LRRC7: variants seen among roughly 807,000 people sequenced by gnomAD.
LRRC7 encodes the protein leucine rich repeat containing 7, also known as leucine-rich repeat-containing protein 7.
In LRRC7, 23 loss-of-function variants were observed where a neutral mutation model predicts 175.7. That is an observed-to-expected ratio of 0.13 (90% confidence interval 0.09 to 0.19). The LOEUF is 0.19. LRRC7 is among the 10% of genes least tolerant of loss of function. The probability of loss-of-function intolerance (pLI) is 1.00; values close to 1 mark genes in which losing one functional copy is unlikely to be tolerated. For missense variants in LRRC7, 1,354 were observed against 1,904.7 expected (o/e 0.71, Z 5.38); for synonymous variants, 685 against 680.9 (o/e 1.01, Z -0.09).
At chr1:69,867,302 T>C (rs1051931136) in intron 7 of LRRC7, among the ~76,000 whole-genome samples, 2 of 152,208 alleles carry the variant, frequency 1.3e-5, no homozygotes, top group African/African-American at 4.8e-5. Flanking sequence ...TCACAACTAA[T>C]AATCACAATA....
At chr1:69,875,644 C>T (rs1436195092) in intron 7 of LRRC7, among the ~76,000 whole-genome samples, 1 of 151,714 alleles carries the variant, frequency 6.6e-6, no homozygotes, top group Admixed American at 6.6e-5. Flanking sequence ...ATTATGCATA[C>T]CAGTTTAACA....
rs752776916 is a variant in LRRC7 at position 69,931,561 on chromosome 1, C to T, written c.702C>T (p.Phe234=). Residue 234 remains phenylalanine, a synonymous_variant, in exon 8 of 27, where the codon TTC becomes TTT. Coordinates refer to ENST00000651989, the MANE Select transcript of LRRC7 (RefSeq NM_001370785.2). ...GACTTGACCTAGGCAATAATGAATT[C>T]GGTGAGCTGGTAAGCAAATGCATTT... The part of the protein sequence containing the change: ...LERLDLGNNE[F]GELPEVLDQI... 57 of 1,613,090 alleles carry T rather than the reference C, an allele frequency of 3.5e-5. No individual in the cohort carries two copies. The highest frequency in any genetic ancestry group is 1.6e-4 in the Middle Eastern group (1 of 6,082).
In LRRC7 at chr1:69,730,701, G is replaced by C. The variant is rs189301118; in HGVS notation, c.101-29490G>C. ...CACATTTTCCTATCTTCTTCTGAAC[G>C]CTTCCAACTGTCCCAACCTCTGCCT... On this transcript the variant is annotated intron_variant, in intron 2 of 26. Coordinates refer to ENST00000651989, the MANE Select transcript of LRRC7 (RefSeq NM_001370785.2). Among the ~76,000 whole-genome samples the C allele has an allele frequency of 5.3e-5, 8 of 152,144 alleles. No individual in the cohort carries two copies. In the South Asian group the frequency reaches 1.7e-3, roughly 32 times the overall value.
intron 2 of LRRC7, among the ~76,000 whole-genome samples, chr1:69,682,748 A>T (rs1479862255): frequency 9.2e-6 from 1 of 108,574 alleles, no homozygotes; most frequent in East Asian, 2.9e-4. Context: ...TAAGCTACCT[A>T]GTTCATGGAT....
At chr1:69,651,425 T>TA (rs1372401489) in intron 1 of LRRC7, among the ~76,000 whole-genome samples, 4 of 152,216 alleles carry the variant, frequency 2.6e-5, no homozygotes, top group Non-Finnish European at 4.4e-5. Flanking sequence ...CAAAGAGTTT[T>TA]CATTTTGTCT....
intron 4 of LRRC7, among the ~76,000 whole-genome samples, chr1:69,792,716 C>T (rs1675266704): frequency 1.3e-5 from 2 of 152,096 alleles, no homozygotes; most frequent in South Asian, 4.1e-4. Flanking sequence ...TCCCAAACAT[C>T]TAGAGCAATG....
At chr1:69,887,593 C>T (rs1037727486) in intron 7 of LRRC7, among the ~76,000 whole-genome samples, 10 of 152,108 alleles carry the variant, frequency 6.6e-5, no homozygotes, top group African/African-American at 1.4e-4. Flanking sequence ...GTAATTTGAT[C>T]GTCTGAAGCC....
intron 5 of LRRC7, among the ~76,000 whole-genome samples, chr1:69,830,759 A>G (rs1160237447): frequency 1.3e-5 from 2 of 151,982 alleles, no homozygotes; most frequent in Non-Finnish European, 2.9e-5. Context: ...AATAAGACAT[A>G]CTATGTAATC....
intron 25 of LRRC7, among the ~76,000 whole-genome samples, chr1:70,098,784 C>A (rs2102191488): frequency 6.6e-6 from 1 of 151,186 alleles, no homozygotes; most frequent in East Asian, 2.0e-4. Context: ...GAAGTTGAAT[C>A]TCTGAATAGA....
chr1:69,931,582 C>A lies in LRRC7; in HGVS notation c.711+12C>A, dbSNP rs1267989811. ...AATTCGGTGAGCTGGTAAGCAAATG[C>A]ATTTTCTAAACCTGATAAATACCCT... On this transcript the variant is annotated intron_variant, in intron 8 of 26. Coordinates refer to ENST00000651989, the MANE Select transcript of LRRC7 (RefSeq NM_001370785.2). The A allele has an allele frequency of 5.0e-6, 8 of 1,607,354 alleles. No individual in the cohort carries two copies. The highest frequency in any genetic ancestry group is 6.8e-6 in the Non-Finnish European group (8 of 1,174,110).
At chr1:70,064,826 A>G (rs1390585159) in intron 23 of LRRC7, among the ~76,000 whole-genome samples, 1 of 151,956 alleles carries the variant, frequency 6.6e-6, no homozygotes, top group Non-Finnish European at 1.5e-5. Context: ...TTAATATGAA[A>G]CATTTACAAG....
chr1:69,940,083 T>G (rs189796847), intron 8 of LRRC7, among the ~76,000 whole-genome samples: 1 of 152,240 alleles, frequency 6.6e-6, no homozygotes, highest in East Asian at 1.9e-4. Flanking sequence ...TCCCACTAAC[T>G]CTGAAGTTTG....
At chr1:69,780,390 T>C (rs1673349292) in intron 3 of LRRC7, among the ~76,000 whole-genome samples, 1 of 152,176 alleles carries the variant, frequency 6.6e-6, no homozygotes, top group Non-Finnish European at 1.5e-5. Context: ...GATTCTTTGT[T>C]ATTCATCTTT....
chr1:69,695,826 G>A (rs958126444), intron 2 of LRRC7, among the ~76,000 whole-genome samples: 1 of 152,230 alleles, frequency 6.6e-6, no homozygotes, highest in Non-Finnish European at 1.5e-5. Context: ...TCCATGTGGT[G>A]TAAAGTCTGC....
At chr1:69,701,313 C>T (rs1663321029) in intron 2 of LRRC7, among the ~76,000 whole-genome samples, 1 of 152,014 alleles carries the variant, frequency 6.6e-6, no homozygotes. Flanking sequence ...AAATACTATT[C>T]ATAGAATATT....
rs6664709 is a variant in LRRC7, at chr1:70,129,575, C to G, written c.*7688C>G. ...AAGAGTCTTCTAGGTTCAGCGGCCC[C>G]AAAAAGTCCCTCCTATGACCACTGT... On this transcript the variant is annotated 3_prime_UTR_variant, in exon 27 of 27. Transcript: ENST00000651989. 0.58 allele frequency among the ~76,000 whole-genome samples: 87,555 copies of G among 151,978 alleles called. 25,623 individuals carry two copies. The highest frequency in any genetic ancestry group is 0.61 in the Non-Finnish European group (41,504 of 67,944).
At chr1:69,658,895 C>G (rs565305380) in intron 1 of LRRC7, among the ~76,000 whole-genome samples, 1 of 151,960 alleles carries the variant, frequency 6.6e-6, no homozygotes, top group Admixed American at 6.6e-5. Flanking sequence ...TTAAATAAAC[C>G]AACAAGGTAT....
intron 23 of LRRC7, among the ~76,000 whole-genome samples, chr1:70,066,001 T>C (rs985446802): frequency 6.6e-6 from 1 of 152,008 alleles, no homozygotes; most frequent in Admixed American, 6.6e-5. Flanking sequence ...GCATGGTTAC[T>C]TGACTCAGAC....
intron 7 of LRRC7, among the ~76,000 whole-genome samples, chr1:69,872,020 T>C (rs1441046773): frequency 6.6e-6 from 1 of 152,010 alleles, no homozygotes; most frequent in Non-Finnish European, 1.5e-5. Context: ...TATGCAAAAA[T>C]ACTGTAATGA....
Sources: gnomAD v4.1 joint callset for allele counts (sites outside exome capture counted in the v4.1 genomes callset) on GRCh38, gnomAD v4.1.1 for gene constraint, MANE v1.5 for transcripts, NCBI Gene and HGNC (gene_info 2026-07-23, HGNC 2026-07-21) for gene names.